Variants in TPH1 observed in about 807,000 individuals in gnomAD.
The protein encoded by TPH1 is tryptophan 5-hydroxylase 1.
In TPH1, 37 loss-of-function variants were observed where a neutral mutation model predicts 49.5. That is an observed-to-expected ratio of 0.75 (90% CI 0.58 to 0.98). The LOEUF (loss-of-function observed/expected upper bound fraction) is 0.98, where lower values mean the gene tolerates loss of function less well. Ranked by LOEUF, TPH1 falls within the 50% of genes least tolerant of loss-of-function variation. TPH1 has a pLI of 0.00. For synonymous variants in TPH1, 160 were observed against 182.1 expected, an observed-to-expected ratio of 0.88 and a Z score of 0.98; for missense variants, 487 against 523.6, an observed-to-expected ratio of 0.93 and a Z score of 0.68.
At chr11:18,043,601 T>C (rs540677699) in intron 1 of TPH1, among the ~76,000 whole-genome samples, 17 of 150,736 alleles carry the variant, frequency 1.1e-4, no homozygotes, top group African/African-American at 3.7e-4. Flanking sequence ...AGACTCCGTC[T>C]CAAAAAACAA....
Position 18,023,889 on chromosome 11 carries a change from T to C in TPH1, c.1025A>G (p.Lys342Arg), listed in dbSNP as rs763795018. 2.5e-6 allele frequency: 4 copies of C among 1,611,174 alleles called. No individual in the cohort carries two copies. Among genetic ancestry groups the C allele is most frequent in the Admixed American group, 3.3e-5 (2 of 59,984 alleles). Residue 342 changes from lysine to arginine, a missense_variant and splice_region_variant, in exon 9 of 11, where the codon AAA (lysine) becomes AGA (arginine). Transcript: ENST00000682019. ...AGLLSSISEL[K>R]HALSGHAKVK... is the part of the protein sequence containing the mutation. ...TATACAAAGATTTGCAACTCTTACTTTGAGTTCACTGATAGAAGAAAGTAA... is the reference window on the plus strand; with the variant it reads ...TATACAAAGATTTGCAACTCTTACTCTGAGTTCACTGATAGAAGAAAGTAA...
chr11:18,042,395 C>A, intron 1 of TPH1: 1 of 454,332 alleles, frequency 2.2e-6, no homozygotes, highest in South Asian at 1.6e-5. Flanking sequence ...ATTGACTTTT[C>A]TTATCAAACA....
At position 18,019,904 on chromosome 11, in the gene TPH1, A is replaced by AC. The variant is rs1854338093; in HGVS notation, c.*1086dup. On this transcript the variant is annotated 3_prime_UTR_variant, in exon 11 of 11. Transcript: ENST00000682019. ...TTACTTACAGTCTCAGTCCTAAACC[A>AC]CTCTTCTTGACCTTTCTGACATTCT... The AC allele has an allele frequency of 2.9e-6, 1 of 350,282 alleles. No individual in the cohort carries two copies. Among genetic ancestry groups the AC allele is most frequent in the South Asian group, 2.2e-5 (1 of 45,434 alleles). The allele number at this position is 350,282 out of a possible 1,614,324, so 21.7% of individuals were successfully genotyped here. A position where few individuals can be genotyped will look rare whatever the true frequency, so the allele number is the denominator to read the frequency against.
At chr11:18,026,427 A>C in intron 7 of TPH1, 63 bp downstream of exon 7, 2 of 1,292,938 alleles carry the variant, frequency 1.5e-6, no homozygotes, top group Non-Finnish European at 2.2e-6. Flanking sequence ...AGAACCCATA[A>C]GGTAGATGCC....
chr11:18,018,966 A>G lies in TPH1; in HGVS notation c.*2025T>C, dbSNP rs1368653375. On this transcript the variant is annotated 3_prime_UTR_variant, in exon 11 of 11. Transcript: ENST00000682019. The stretch of plus-strand genomic sequence containing the variant: ...TTTCTTTTTTTCTACATGTTCTAAG[A>G]TTTGCTATCTATTATGATTTGCTTA... 4 of 152,006 alleles carry G rather than the reference A, an allele frequency of 2.6e-5. No individual in the cohort carries two copies. The highest frequency in any genetic ancestry group is 4.4e-5 in the Non-Finnish European group (3 of 68,008). The allele number at this position is 152,006 out of a possible 1,614,324, so 9.4% of individuals were successfully genotyped here.
chr11:18,029,454 A>G (rs1847962215), intron 5 of TPH1, 58 bp downstream of exon 5: 1 of 1,556,136 alleles, frequency 6.4e-7, no homozygotes, highest in Non-Finnish European at 8.9e-7. Context: ...AACACAATTT[A>G]TTCTATTCAC....
intron 1 of TPH1, among the ~76,000 whole-genome samples, chr11:18,044,046 G>A (rs1179635915): frequency 6.6e-6 from 1 of 152,138 alleles, no homozygotes; most frequent in African/African-American, 2.4e-5. Context: ...CTTAGTTGGT[G>A]TGGGGAGAGG....
chr11:18,039,299 T>C (rs376439995), intron 2 of TPH1, among the ~76,000 whole-genome samples: 90 of 152,336 alleles, frequency 5.9e-4, no homozygotes, highest in African/African-American at 1.9e-3. Flanking sequence ...ACTCTACTAA[T>C]GCTCACAATG....
chr11:18,032,647 G>A (rs184858528), intron 4 of TPH1, among the ~76,000 whole-genome samples: 23 of 139,780 alleles, frequency 1.6e-4, no homozygotes, highest in South Asian at 4.9e-4. Context: ...CCAGGTTCAC[G>A]CCATTCTCCT....
chr11:18,037,357 C>CAAA (rs149722166), intron 2 of TPH1, among the ~76,000 whole-genome samples: 1 of 132,434 alleles, frequency 7.6e-6, no homozygotes, highest in Non-Finnish European at 1.6e-5. Flanking sequence ...GACCCTTTCT[C>CAAA]AAAAAAAAAA....
intron 7 of TPH1, 103 bp from the exon 8 acceptor site, chr11:18,025,804 T>G (rs1847923905): frequency 6.6e-7 from 1 of 1,507,030 alleles, no homozygotes; most frequent in South Asian, 1.2e-5. Context: ...AATGATCGGG[T>G]GATAATACTT....
intron 4 of TPH1, among the ~76,000 whole-genome samples, 171 bp from the exon 5 acceptor site, chr11:18,029,750 T>C (rs1777091375): frequency 6.6e-6 from 1 of 152,182 alleles, no homozygotes; most frequent in Non-Finnish European, 1.5e-5. Flanking sequence ...AAAGTCAATG[T>C]TACATGACAG....
At chr11:18,043,281 T>C (rs1191729849) in intron 1 of TPH1, among the ~76,000 whole-genome samples, 1 of 152,156 alleles carries the variant, frequency 6.6e-6, no homozygotes, top group African/African-American at 2.4e-5. Context: ...TTCAACAACC[T>C]CTTGGAGCTT....
At chr11:18,026,343 G>T (rs1443196309) in intron 7 of TPH1, 147 bp downstream of exon 7, 3 of 761,340 alleles carry the variant, frequency 3.9e-6, no homozygotes, top group Non-Finnish European at 6.2e-6. Flanking sequence ...TTCATGCCAG[G>T]TACCATTCTA....
Position 18,029,548 on chromosome 11 carries a change from C to T in TPH1, c.434G>A (p.Arg145Gln), listed in dbSNP as rs754612963. Residue 145 changes from arginine (R) to glutamine (Q), a missense_variant, in exon 5 of 11, where the codon CGA becomes CAA. Arg to Gln is a conservative substitution (Grantham distance 43, BLOSUM62 1). Coordinates refer to ENST00000682019, the MANE Select transcript of TPH1 (RefSeq NM_004179.3). ...CATAGCCAAGTCCGCAAAATACTTT[C>T]GACGTTTACGGTAGACATTGTCTTT... ...GFKDNVYRKR[R>Q]KYFADLAMNY... 3.5e-5 allele frequency: 56 copies of T among 1,613,096 alleles called. No individual in the cohort carries two copies. The East Asian group carries it at 6.9e-4, about 20-fold the overall frequency.
At chr11:18,027,500 TAAAC>T (rs1441498489) in intron 6 of TPH1, among the ~76,000 whole-genome samples, 1 of 152,262 alleles carries the variant, frequency 6.6e-6, no homozygotes, top group African/African-American at 2.4e-5. Context: ...ATTTAAATTT[TAAAC>T]AACCAAATGT....
chr11:18,034,601 T>C (rs978314198), intron 3 of TPH1, among the ~76,000 whole-genome samples: 3 of 152,102 alleles, frequency 2.0e-5, no homozygotes, highest in Non-Finnish European at 4.4e-5. Flanking sequence ...GAAGTGGAGA[T>C]ATATCAGTAT....
intron 5 of TPH1, 56 bp from the exon 6 acceptor site, chr11:18,029,417 C>G: frequency 6.4e-7 from 1 of 1,558,676 alleles, no homozygotes; most frequent in East Asian, 2.2e-5. Flanking sequence ...AATAGTGGCA[C>G]TTATTTCACT....
At position 18,029,571 on chromosome 11, in the gene TPH1, T is replaced by C. The variant is rs1214688772; in HGVS notation, c.411A>G (p.Lys137=). The C allele has an allele frequency of 1.2e-6, 2 of 1,612,460 alleles. No individual in the cohort carries two copies. The highest frequency in any genetic ancestry group is 2.7e-5 in the African/African-American group (2 of 74,898). ...SELDADHPGF[K]DNVYRKRRKY... ...TTCGACGTTTACGGTAGACATTGTC[T>C]TTGAAGCCCTGATAATTAAAGATAT... The change falls in exon 5 of 11, where the codon AAA becomes AAG. Residue 137 remains lysine, a synonymous_variant. Coordinates refer to ENST00000682019, the MANE Select transcript of TPH1 (RefSeq NM_004179.3).
Sources: gnomAD v4.1 joint callset for allele counts (sites outside exome capture counted in the v4.1 genomes callset) on GRCh38, gnomAD v4.1.1 for gene constraint, MANE v1.5 for transcripts, NCBI Gene and HGNC (gene_info 2026-07-23, HGNC 2026-07-21) for gene names.